The following ATP6V1E2 variants were observed in gnomAD, a reference collection of about 807,000 sequenced individuals.
ATP6V1E2 encodes the protein V-type proton ATPase subunit E 2.
For missense variants in ATP6V1E2, 308 were observed against 273.3 expected, an observed-to-expected ratio of 1.13 and a Z score of -0.90; for synonymous variants, 121 against 104.2, an observed-to-expected ratio of 1.16 and a Z score of -0.98.
In ATP6V1E2 at chr2:46,512,120, T is replaced by C; in HGVS notation, c.592A>G (p.Ser198Gly). 1 of 1,614,200 alleles carries C rather than the reference T, an allele frequency of 6.2e-7. No homozygotes were observed. The highest frequency in any genetic ancestry group is 1.1e-5 in the South Asian group (1 of 91,082). ...QRIKVSNTLE[S>G]RLDLSAKQKM... ...TGCTTGGCTGAGAGATCCAGTCGGC[T>C]TTCCAAGGTATTTGAAACCTTTATT... is the stretch of plus-strand genomic sequence containing the variant. The change falls in exon 5 of 5, where the codon AGC (serine) becomes GGC (glycine). Residue 198 changes from serine (S) to glycine (G), a missense_variant. Physicochemically the swap from Ser to Gly is moderately conservative, Grantham distance 56 (BLOSUM62 0). Coordinates refer to ENST00000522587, the MANE Select transcript of ATP6V1E2 (RefSeq NM_001318063.2).
intron 4 of ATP6V1E2, among the ~76,000 whole-genome samples, chr2:46,514,589 G>T (rs1045180656): frequency 1.3e-5 from 2 of 152,094 alleles, no homozygotes; most frequent in African/African-American, 4.8e-5. Context: ...TATAACATTT[G>T]AAATTATCCA....
chr2:46,513,898 A>G (rs1285943999), intron 4 of ATP6V1E2, among the ~76,000 whole-genome samples: 1 of 152,212 alleles, frequency 6.6e-6, no homozygotes, highest in Non-Finnish European at 1.5e-5. Flanking sequence ...TAAAGCTTAT[A>G]TAAGGGAAGG....
chr2:46,538,267 G>C (rs776588813), intron 2 of ATP6V1E2, among the ~76,000 whole-genome samples: 1 of 152,136 alleles, frequency 6.6e-6, no homozygotes, highest in Non-Finnish European at 1.5e-5. Context: ...ACAGGTCCAA[G>C]CTTGTCATTT....
At chr2:46,529,583 C>T (rs1267519468) in intron 4 of ATP6V1E2, among the ~76,000 whole-genome samples, 1 of 152,076 alleles carries the variant, frequency 6.6e-6, no homozygotes, top group Admixed American at 6.5e-5. Flanking sequence ...AGCAAGACCC[C>T]ATCTCTACAA....
chr2:46,513,519 C>T (rs13018039), intron 4 of ATP6V1E2, among the ~76,000 whole-genome samples: 3 of 151,996 alleles, frequency 2.0e-5, no homozygotes, highest in Admixed American at 6.6e-5. Flanking sequence ...TTCACTTCCC[C>T]GAAGCTTTTA....
rs533730079 is a variant in ATP6V1E2, at chr2:46,533,210, G to C, written c.-102+2603C>G. ...TAGTGTGTGCATGTATGTGTAGATA[G>C]ATAGATAGATAGATAGATAGATAGA... On this transcript the variant is annotated intron_variant, in intron 4 of 4. Transcript: ENST00000522587. 3.1e-3 allele frequency among the ~76,000 whole-genome samples: 178 copies of C among 56,798 alleles called. 3 individuals carry two copies. The highest frequency in any genetic ancestry group is 0.02 in the East Asian group (80 of 4,066). The allele number at this position is 56,798 out of a possible 152,430, so 37.3% of individuals were successfully genotyped here.
intron 2 of ATP6V1E2, among the ~76,000 whole-genome samples, chr2:46,540,034 G>C (rs1423223383): frequency 6.6e-6 from 1 of 152,158 alleles, no homozygotes. Context: ...GCATCTAACA[G>C]ACCTCAATAA....
intron 2 of ATP6V1E2, among the ~76,000 whole-genome samples, chr2:46,540,133 T>C (rs1667653924): frequency 6.6e-6 from 1 of 152,084 alleles, no homozygotes; most frequent in Non-Finnish European, 1.5e-5. Flanking sequence ...GATTAGGAAT[T>C]TCACTGTTCT....
rs1342171192 is a variant in ATP6V1E2, at chr2:46,535,034, C to T, written c.-102+779G>A. The T allele has an allele frequency of 6.6e-6, 1 of 152,306 alleles. No homozygotes were observed. The highest frequency in any genetic ancestry group is 2.1e-4 in the South Asian group (1 of 4,828). The allele number at this position is 152,306 out of a possible 1,614,324, so 9.4% of individuals were successfully genotyped here. ...ACTCTGCCTTGAAAAGTCTGCTCAA[C>T]TATCTCCTCAACTCAGCAAGACCAC... is the stretch of plus-strand genomic sequence containing the variant. On this transcript the variant is annotated intron_variant, in intron 4 of 4. Transcript: ENST00000522587. The surrounding 1 kb of genome is among the most constrained non-coding windows in gnomAD (Gnocchi z 4.4).
chr2:46,525,491 A>G (rs1271993552), intron 4 of ATP6V1E2, among the ~76,000 whole-genome samples: 2 of 137,570 alleles, frequency 1.5e-5, no homozygotes, highest in Non-Finnish European at 3.2e-5. Flanking sequence ...AAAAAAAAAG[A>G]AAGCAGGGAC....
chr2:46,513,849 G>A (rs557837393), intron 4 of ATP6V1E2, among the ~76,000 whole-genome samples: 2 of 151,990 alleles, frequency 1.3e-5, no homozygotes, highest in East Asian at 1.9e-4. Flanking sequence ...AACAAAACAC[G>A]TTATATTCTT....
In ATP6V1E2 at chr2:46,530,648, C is replaced by T. The variant is rs1667137305; in HGVS notation, c.-102+5165G>A. Among the ~76,000 whole-genome samples the T allele has an allele frequency of 6.6e-6, 1 of 152,118 alleles. No homozygotes were observed. Among genetic ancestry groups the T allele is most frequent in the African/African-American group, 2.4e-5 (1 of 41,392 alleles). ...TTTTCCTGATGTATTAGTTTGTTCT[C>T]ACACTGCGAATAAAGACATAACCAG... On this transcript the variant is annotated intron_variant, in intron 4 of 4. Coordinates refer to ENST00000522587, the MANE Select transcript of ATP6V1E2 (RefSeq NM_001318063.2). This position sits in a 1 kb window ranked among gnomAD's most constrained non-coding sequence, Gnocchi z 5.2.
intron 4 of ATP6V1E2, among the ~76,000 whole-genome samples, chr2:46,529,833 A>G (rs972580165): frequency 1.4e-4 from 21 of 152,254 alleles, no homozygotes; most frequent in African/African-American, 4.6e-4. Flanking sequence ...GTGGTGAGGA[A>G]GTAGTTTCCC....
In ATP6V1E2 at chr2:46,512,753, C is replaced by G; in HGVS notation, c.-42G>C. On this transcript the variant is annotated 5_prime_UTR_variant, in exon 5 of 5. Coordinates refer to ENST00000522587, the MANE Select transcript of ATP6V1E2 (RefSeq NM_001318063.2). ...GACGGCAGAGAGGGAGCTCGTACAC[C>G]GTTTGGCTCCTTTGACTTAGGACAA... 1 of 1,537,248 alleles carries G rather than the reference C, an allele frequency of 6.5e-7. No homozygotes were observed. Among genetic ancestry groups the G allele is most frequent in the Non-Finnish European group, 8.8e-7 (1 of 1,141,928 alleles).
chr2:46,514,290 A>C (rs1475541890), intron 4 of ATP6V1E2, among the ~76,000 whole-genome samples: 1 of 141,510 alleles, frequency 7.1e-6, no homozygotes, highest in Non-Finnish European at 1.5e-5. Flanking sequence ...AAAAAAATAA[A>C]TAAATAAAAA....
Position 46,512,125 on chromosome 2 carries a change from A to G in ATP6V1E2, c.587T>C (p.Leu196Ser). ...GGCTGAGAGATCCAGTCGGCTTTCC[A>G]AGGTATTTGAAACCTTTATTCTCTG... ...GNQRIKVSNT[L>S]ESRLDLSAKQ... The change falls in exon 5 of 5, where the codon TTG becomes TCG. Residue 196 changes from leucine (L) to serine (S), a missense_variant. By Grantham distance (145) the Leu-to-Ser change is moderately radical. Transcript: ENST00000522587. 6.2e-7 allele frequency: 1 copy of G among 1,614,144 alleles called. No individual in the cohort carries two copies. Among genetic ancestry groups the G allele is most frequent in the Non-Finnish European group, 8.5e-7 (1 of 1,180,024 alleles).
At chr2:46,529,388 G>T (rs1439997969) in intron 4 of ATP6V1E2, among the ~76,000 whole-genome samples, 3 of 152,210 alleles carry the variant, frequency 2.0e-5, no homozygotes, top group Non-Finnish European at 4.4e-5. Context: ...ATCTTCTTGG[G>T]AAGAGGACTA....
chr2:46,523,387 T>C (rs1436169011), intron 4 of ATP6V1E2, among the ~76,000 whole-genome samples: 2 of 152,236 alleles, frequency 1.3e-5, no homozygotes, highest in Non-Finnish European at 1.5e-5. Flanking sequence ...TTTAAGTCTT[T>C]AATCCATCTC....
intron 4 of ATP6V1E2, among the ~76,000 whole-genome samples, chr2:46,525,267 G>A (rs569861935): frequency 2.0e-5 from 3 of 151,754 alleles, no homozygotes; most frequent in Non-Finnish European, 4.4e-5. Context: ...GAGGTCAGGA[G>A]ATCGAGACCA....
Sources: allele counts gnomAD v4.1 joint callset (sites outside exome capture counted in the v4.1 genomes callset), GRCh38; gene constraint gnomAD v4.1.1; non-coding constraint Gnocchi (gnomAD v3.1); transcripts MANE v1.5; gene names NCBI Gene and HGNC (gene_info 2026-07-23, HGNC 2026-07-21).